Variants in CACUL1 observed in about 807,000 individuals in gnomAD.
CACUL1 encodes the protein CDK2 associated cullin domain 1.
A neutral mutation model predicts 45.2 loss-of-function variants in CACUL1; 13 were observed. The observed-to-expected ratio is 0.29, with a 90% CI of 0.19 to 0.46. The LOEUF (loss-of-function observed/expected upper bound fraction) is 0.46. CACUL1 is among the 20% of genes least tolerant of loss of function. The probability of loss-of-function intolerance (pLI) is 1.00; values close to 1 mark genes in which losing one functional copy is unlikely to be tolerated. For synonymous variants in CACUL1, 197 were observed against 174.2 expected, an observed-to-expected ratio of 1.13 and a Z score of -1.03; for missense variants, 421 against 471.4, an observed-to-expected ratio of 0.89 and a Z score of 0.99.
At chr10:118,721,015 G>C (rs1174888997) in intron 3 of CACUL1, among the ~76,000 whole-genome samples, 1 of 152,152 alleles carries the variant, frequency 6.6e-6, no homozygotes, top group East Asian at 1.9e-4. Context: ...TGAAACCTAT[G>C]AAGAAAGGAT....
At chr10:118,739,945 G>A (rs1845776851) in intron 1 of CACUL1, among the ~76,000 whole-genome samples, 1 of 152,204 alleles carries the variant, frequency 6.6e-6, no homozygotes, top group East Asian at 1.9e-4. Context: ...AGGAGTTAGA[G>A]ACCAGCCTGG....
chr10:118,745,354 G>C (rs1845831349), intron 1 of CACUL1, among the ~76,000 whole-genome samples: 1 of 152,112 alleles, frequency 6.6e-6, no homozygotes, highest in African/African-American at 2.4e-5. Flanking sequence ...CTGAGGTCAG[G>C]AGTTCAAGAC....
At chr10:118,726,258 CAAAT>C (rs780818411) in intron 3 of CACUL1, 5 of 1,206,424 alleles carry the variant, frequency 4.1e-6, no homozygotes, top group Non-Finnish European at 2.2e-6. Context: ...TCACACTGAA[CAAAT>C]AAATAAAATG....
chr10:118,693,373 T>A (rs1845290535), intron 6 of CACUL1: 1 of 158,864 alleles, frequency 6.3e-6, no homozygotes, highest in South Asian at 1.8e-4. Context: ...TGTCAAAATA[T>A]GTTTTCAAGT....
At chr10:118,689,763 C>T (rs746245006) in intron 7 of CACUL1, among the ~76,000 whole-genome samples, 3 of 152,108 alleles carry the variant, frequency 2.0e-5, no homozygotes, top group Admixed American at 1.3e-4. Context: ...AAAATGGGCA[C>T]GTTTAAGCAA....
Position 118,754,799 on chromosome 10 carries a change from C to G in CACUL1, c.-37G>C. 6.6e-7 allele frequency: 1 copy of G among 1,520,010 alleles called. No homozygotes were observed. Among genetic ancestry groups the G allele is most frequent in the Non-Finnish European group, 8.8e-7 (1 of 1,138,694 alleles). The allele number at this position is 1,520,010 out of a possible 1,614,324, so 94.2% of individuals were successfully genotyped here. A position where few individuals can be genotyped will look rare whatever the true frequency, so the allele number is the denominator to read the frequency against. On this transcript the variant is annotated 5_prime_UTR_variant, in exon 1 of 9. Transcript: ENST00000369151. The stretch of plus-strand genomic sequence containing the variant: ...CCGGCACCCGCCCGCCTCACAGGCA[C>G]CTGCCGCCTGTCTCAACCCCGGGCC...
At chr10:118,727,988 A>G (rs1845666585) in intron 3 of CACUL1, among the ~76,000 whole-genome samples, 1 of 152,248 alleles carries the variant, frequency 6.6e-6, no homozygotes, top group South Asian at 2.1e-4. Flanking sequence ...AGCACTAAAC[A>G]TATGTGTTAA....
At chr10:118,698,947 A>G (rs1308539194) in intron 5 of CACUL1, among the ~76,000 whole-genome samples, 1 of 152,220 alleles carries the variant, frequency 6.6e-6, no homozygotes, top group South Asian at 2.1e-4. Context: ...GGTAAGTAAT[A>G]TAAAAATGTG....
intron 4 of CACUL1, among the ~76,000 whole-genome samples, chr10:118,702,035 A>G (rs1337456543): frequency 6.6e-6 from 1 of 152,198 alleles, no homozygotes; most frequent in East Asian, 1.9e-4. Flanking sequence ...CAACTGAAAA[A>G]TCACAAAAGA....
At chr10:118,710,006 A>G (rs1311764050) in intron 3 of CACUL1, among the ~76,000 whole-genome samples, 1 of 151,746 alleles carries the variant, frequency 6.6e-6, no homozygotes, top group Non-Finnish European at 1.5e-5. Flanking sequence ...CCCAGGCTCA[A>G]TTGATCAATT....
chr10:118,700,432 G>T lies in CACUL1; in HGVS notation c.796+874C>A, dbSNP rs1351028600. On this transcript the variant is annotated intron_variant, in intron 5 of 8. Coordinates refer to ENST00000369151, the MANE Select transcript of CACUL1 (RefSeq NM_153810.5). The stretch of plus-strand genomic sequence containing the variant: ...GAAGAGGACTCAAGAATGGGAAGAG[G>T]AGAGGCCAGGTGCAGTGGCTCACGC... Among the ~76,000 whole-genome samples, 4 of 151,926 alleles carry T rather than the reference G, an allele frequency of 2.6e-5. No individual in the cohort carries two copies. The East Asian group carries it at 7.7e-4, about 29-fold the overall frequency.
At chr10:118,716,761 C>A (rs1845550082) in intron 3 of CACUL1, among the ~76,000 whole-genome samples, 1 of 152,112 alleles carries the variant, frequency 6.6e-6, no homozygotes, top group African/African-American at 2.4e-5. Context: ...CGCCACCACG[C>A]CTGCCTAATT....
chr10:118,728,349 C>T (rs1405288950), intron 3 of CACUL1, among the ~76,000 whole-genome samples: 1 of 143,580 alleles, frequency 7.0e-6, no homozygotes, highest in Non-Finnish European at 1.5e-5. Context: ...GAGTCTTGCT[C>T]TGTCGCCAGG....
intron 5 of CACUL1, among the ~76,000 whole-genome samples, chr10:118,696,988 TAAAG>T (rs1845329791): frequency 2.0e-5 from 3 of 152,058 alleles, no homozygotes; most frequent in Non-Finnish European, 4.4e-5. Flanking sequence ...TCAAATTTGA[TAAAG>T]AAATGATAAA....
intron 1 of CACUL1, among the ~76,000 whole-genome samples, chr10:118,733,724 A>G (rs1845718056): frequency 6.6e-6 from 1 of 152,216 alleles, no homozygotes; most frequent in South Asian, 2.1e-4. Flanking sequence ...ACCAAAAGAA[A>G]AAGTAGGCCA....
chr10:118,711,472 C>T (rs1014593795), intron 3 of CACUL1, among the ~76,000 whole-genome samples: 9 of 152,102 alleles, frequency 5.9e-5, no homozygotes, highest in African/African-American at 1.7e-4. Context: ...AACTAATGAA[C>T]GGAATCATAC....
intron 1 of CACUL1, among the ~76,000 whole-genome samples, chr10:118,734,763 T>C (rs574116539): frequency 6.6e-6 from 1 of 152,312 alleles, no homozygotes; most frequent in South Asian, 2.1e-4. Flanking sequence ...TAGAAACACA[T>C]ATTTTTAAGA....
Position 118,682,453 on chromosome 10 carries a change from A to AG in CACUL1, c.*3674dup, listed in dbSNP as rs1275405349. The AG allele has an allele frequency of 6.6e-6, 1 of 152,624 alleles. No homozygotes were observed. Among genetic ancestry groups the AG allele is most frequent in the African/African-American group, 2.4e-5 (1 of 41,474 alleles). 9.5% of individuals were successfully genotyped at this position (152,624 alleles called of 1,614,324 possible). A position where few individuals can be genotyped will look rare whatever the true frequency, so the allele number is the denominator to read the frequency against. ...TCAATAATAAAAAGGCAAAATCTGGAGGGGTTACTCGGCTTAAAAAGAGAT... is the reference window on the plus strand; with the variant it reads ...TCAATAATAAAAAGGCAAAATCTGGAGGGGGTTACTCGGCTTAAAAAGAGAT... On this transcript the variant is annotated 3_prime_UTR_variant, in exon 9 of 9. Transcript: ENST00000369151.
chr10:118,732,420 A>C (rs985820209), intron 1 of CACUL1, among the ~76,000 whole-genome samples: 1 of 152,294 alleles, frequency 6.6e-6, no homozygotes, highest in South Asian at 2.1e-4. Flanking sequence ...GGCATAGCAG[A>C]TACTGTTGGT....
Sources: allele counts gnomAD v4.1 joint callset (sites outside exome capture counted in the v4.1 genomes callset), GRCh38; gene constraint gnomAD v4.1.1; transcripts MANE v1.5; gene names NCBI Gene and HGNC (gene_info 2026-07-23, HGNC 2026-07-21).